SYT7: variants seen among roughly 807,000 people sequenced by gnomAD.
SYT7 encodes the protein synaptotagmin-7.
A neutral mutation model predicts 75.1 loss-of-function variants in SYT7; 29 were observed. That is an observed-to-expected ratio of 0.39 (90% CI 0.29 to 0.53). The LOEUF (loss-of-function observed/expected upper bound fraction) is 0.53. Ranked by LOEUF, SYT7 falls within the 20% of genes least tolerant of loss-of-function variation. The pLI, the probability that SYT7 is intolerant of heterozygous loss-of-function variation, is 0.77. For synonymous variants in SYT7, 376 were observed against 401.7 expected (o/e 0.94, Z 0.76); for missense variants, 693 against 953.2 (o/e 0.73, Z 3.59).
chr11:61,533,449 T>A (rs1462982579), intron 7 of SYT7: 2 of 985,306 alleles, frequency 2.0e-6, no homozygotes, highest in East Asian at 2.3e-4. Context: ...GTCTCTGAGG[T>A]GGCCACTGCC....
rs529750735 is a variant in SYT7 at position 61,520,839 on chromosome 11, C to T, written c.1957-2108G>A. On this transcript the variant is annotated intron_variant, in intron 12 of 12. Coordinates refer to ENST00000539008, the MANE Select transcript of SYT7 (RefSeq NM_001365809.2). ...CTCTATCTCAAAAAACAAAACAAAA[C>T]GAAACAAAACGAAAAGGATGGGGAG... Among the ~76,000 whole-genome samples the T allele has an allele frequency of 7.4e-4, 113 of 152,216 alleles. 1 individual carries two copies. The highest frequency in any genetic ancestry group is 1.2e-3 in the Non-Finnish European group (81 of 68,000).
intron 7 of SYT7, 91 bp from the exon 8 acceptor site, chr11:61,533,215 AC>A (rs2062764524): frequency 6.8e-6 from 10 of 1,481,290 alleles, no homozygotes; most frequent in Non-Finnish European, 8.9e-6. Flanking sequence ...TTCTCTGAAG[AC>A]CCCAGCAGCT....
rs2063067565 is a variant in SYT7 at position 61,542,345 on chromosome 11, C to G, written c.807G>C (p.Arg269=). The part of the protein sequence containing the change: ...APGPNPRAYG[R]GQARQGTSAG... ...CCGAGGTGCCCTGCCGAGCCTGGCC[C>G]CGGCCATAGGCCCGGGGGTTGGGGC... The change falls in exon 6 of 13, where the codon CGG becomes CGC. Residue 269 remains arginine (R), a synonymous_variant. Coordinates refer to ENST00000539008, the MANE Select transcript of SYT7 (RefSeq NM_001365809.2). This position sits in a 1 kb window ranked among gnomAD's most constrained non-coding sequence, Gnocchi z 7.8. The G allele has an allele frequency of 2.0e-6, 3 of 1,530,664 alleles. No homozygotes were observed. Among genetic ancestry groups the G allele is most frequent in the Non-Finnish European group, 2.6e-6 (3 of 1,144,376 alleles). The allele number at this position is 1,530,664 out of a possible 1,614,324, so 94.8% of individuals were successfully genotyped here.
Position 61,576,233 on chromosome 11 carries a change from G to T in SYT7, c.31+4557C>A, listed in dbSNP as rs1229814832. Reference sequence around the variant, plus strand: ...TAGTTGGACAGGGCCCAGCAGGGCTGCCCCTGCTGCCTGGAAGGTCAGGGA... The same window carrying T: ...TAGTTGGACAGGGCCCAGCAGGGCTTCCCCTGCTGCCTGGAAGGTCAGGGA... On this transcript the variant is annotated intron_variant, in intron 1 of 12. Transcript: ENST00000539008. This position sits in a 1 kb window ranked among gnomAD's most constrained non-coding sequence, Gnocchi z 4.1. Among the ~76,000 whole-genome samples the T allele has an allele frequency of 6.6e-6, 1 of 152,232 alleles. No homozygotes were observed. The highest frequency in any genetic ancestry group is 1.5e-5 in the Non-Finnish European group (1 of 68,030).
chr11:61,584,252 G>C (rs895724793), upstream of SYT7, among the ~76,000 whole-genome samples: 3 of 151,590 alleles, frequency 2.0e-5, no homozygotes. Flanking sequence ...AAAATTAGCC[G>C]GGCGTGGTGG....
Position 61,542,066 on chromosome 11 carries a change from G to C in SYT7, c.941+145C>G. 1 of 1,118,632 alleles carries C rather than the reference G, an allele frequency of 8.9e-7. No homozygotes were observed. Among genetic ancestry groups the C allele is most frequent in the Admixed American group, 3.0e-5 (1 of 33,166 alleles). The allele number at this position is 1,118,632 out of a possible 1,614,324, so 69.3% of individuals were successfully genotyped here. A position where few individuals can be genotyped will look rare whatever the true frequency, so the allele number is the denominator to read the frequency against. On this transcript the variant is annotated intron_variant, in intron 6 of 12. Coordinates refer to ENST00000539008, the MANE Select transcript of SYT7 (RefSeq NM_001365809.2). The surrounding 1 kb of genome is among the most constrained non-coding windows in gnomAD (Gnocchi z 7.8). ...CAGGCAGGAGCCACAAGAGGCTAAGGAGGGGGCTGCCAAGTCTGCTTGGCA... is the reference window on the plus strand; with the variant it reads ...CAGGCAGGAGCCACAAGAGGCTAAGCAGGGGGCTGCCAAGTCTGCTTGGCA...
intron 1 of SYT7, among the ~76,000 whole-genome samples, chr11:61,578,368 T>G (rs1017003797): frequency 3.4e-5 from 5 of 147,404 alleles, no homozygotes; most frequent in African/African-American, 7.4e-5. Context: ...GAGGACAGAT[T>G]TTTTTTTTTT....
rs565837004 is a variant in SYT7, at chr11:61,559,220, T to A, written c.32-3013A>T. Among the ~76,000 whole-genome samples, 4 of 152,282 alleles carry A rather than the reference T, an allele frequency of 2.6e-5. No homozygotes were observed. The East Asian group carries it at 7.7e-4, about 29-fold the overall frequency. ...GGAGCACAAATGAGGACTTTATCAA[T>A]CTTGTGGGACTAGGGAGCTATCTGG... On this transcript the variant is annotated intron_variant, in intron 1 of 12. Transcript: ENST00000539008.
At position 61,522,728 on chromosome 11, in the gene SYT7, A is replaced by G. The variant is rs557715347; in HGVS notation, c.1956+347T>C. 3.9e-5 allele frequency among the ~76,000 whole-genome samples: 6 copies of G among 152,282 alleles called. No individual in the cohort carries two copies. The South Asian group carries it at 1.2e-3, about 32-fold the overall frequency. ...CTGCCCCACGCAGCTCACCCTGTGC[A>G]GATGGGACCCCGGGCAATACTGCTC... On this transcript the variant is annotated intron_variant, in intron 12 of 12. Transcript: ENST00000539008.
chr11:61,582,420 G>A (rs574359203), upstream of SYT7, among the ~76,000 whole-genome samples: 1 of 151,780 alleles, frequency 6.6e-6, no homozygotes, highest in South Asian at 2.1e-4. Context: ...AAGGCAGCCA[G>A]GAACAACCCT....
upstream of SYT7, among the ~76,000 whole-genome samples, chr11:61,584,155 C>T (rs1039650424): frequency 5.9e-5 from 9 of 151,970 alleles, no homozygotes; most frequent in South Asian, 2.1e-4. Context: ...TTTGGGAGGC[C>T]GAGGCGGGCA....
rs962696389 is a variant in SYT7, at chr11:61,524,774, T to C, written c.1472-242A>G. ...AATGGCATCTCGTCCATCTTACAGA[T>C]GAGGCTCAGACGGCTTAAAGTACTT... On this transcript the variant is annotated intron_variant, in intron 9 of 12. Coordinates refer to ENST00000539008, the MANE Select transcript of SYT7 (RefSeq NM_001365809.2). This position sits in a 1 kb window ranked among gnomAD's most constrained non-coding sequence, Gnocchi z 4.1. 15 of 457,802 alleles carry C rather than the reference T, an allele frequency of 3.3e-5. No homozygotes were observed. Among genetic ancestry groups the C allele is most frequent in the Non-Finnish European group, 5.1e-5 (13 of 256,896 alleles). 28.4% of individuals were successfully genotyped at this position (457,802 alleles called of 1,614,324 possible). A position where few individuals can be genotyped will look rare whatever the true frequency, so the allele number is the denominator to read the frequency against.
At chr11:61,541,329 G>C (rs2063035962) in intron 6 of SYT7, 3 of 985,032 alleles carry the variant, frequency 3.0e-6, no homozygotes, top group South Asian at 9.4e-5. Flanking sequence ...GGCAAAGGAG[G>C]GGGGTGATGT....
intron 1 of SYT7, among the ~76,000 whole-genome samples, chr11:61,574,343 A>G (rs999188590): frequency 6.6e-6 from 1 of 152,198 alleles, no homozygotes; most frequent in Admixed American, 6.5e-5. Flanking sequence ...CAGAGCAGCA[A>G]GTGTCTCTGC....
At position 61,551,566 on chromosome 11, in the gene SYT7, C is replaced by T. The variant is rs1036625915; in HGVS notation, c.136-103G>A. ...GGGAAGGAGATAGACTGGAGTCGGG[C>T]CGTGGCAACAAGGCCAGGACCAGTG... is the stretch of plus-strand genomic sequence containing the variant. On this transcript the variant is annotated intron_variant, in intron 2 of 12. Transcript: ENST00000539008. The surrounding 1 kb of genome is among the most constrained non-coding windows in gnomAD (Gnocchi z 5.3). 2 of 1,213,828 alleles carry T rather than the reference C, an allele frequency of 1.6e-6. No individual in the cohort carries two copies. Among genetic ancestry groups the T allele is most frequent in the Admixed American group, 3.6e-5 (2 of 54,874 alleles). The allele number at this position is 1,213,828 out of a possible 1,614,324, so 75.2% of individuals were successfully genotyped here.
In SYT7 at chr11:61,537,051, C is replaced by T. The variant is rs141906480; in HGVS notation, c.1064+1093G>A. Among the ~76,000 whole-genome samples, 84 of 152,366 alleles carry T rather than the reference C, an allele frequency of 5.5e-4. No individual in the cohort carries two copies. In the East Asian group the frequency reaches 0.015, roughly 27 times the overall value. ...AGTGAGCAGAGAACCCAGAGAGGGG[C>T]TGTGACTTGCCCAAGGCTGCAGAAT... On this transcript the variant is annotated intron_variant, in intron 7 of 12. Transcript: ENST00000539008.
intron 8 of SYT7, among the ~76,000 whole-genome samples, chr11:61,529,814 T>G (rs527242509): frequency 2.0e-5 from 3 of 152,262 alleles, no homozygotes; most frequent in African/African-American, 7.2e-5. Context: ...TTTGTACTTT[T>G]AGTAGAGGCA....
chr11:61,581,527 T>A (rs1353469547), upstream of SYT7, among the ~76,000 whole-genome samples: 1 of 152,178 alleles, frequency 6.6e-6, no homozygotes, highest in African/African-American at 2.4e-5. Context: ...CTCGAGGGCG[T>A]CAGCTCCGGA....
rs930098761 is a variant in SYT7 at position 61,542,729 on chromosome 11, C to T, written c.573-150G>A. The T allele has an allele frequency of 3.6e-5, 48 of 1,321,782 alleles. No homozygotes were observed. Among genetic ancestry groups the T allele is most frequent in the South Asian group, 8.9e-5 (5 of 55,938 alleles). The allele number at this position is 1,321,782 out of a possible 1,614,324, so 81.9% of individuals were successfully genotyped here. The stretch of plus-strand genomic sequence containing the variant: ...AGGCCTCCATCGGAGCTGTCGCCAC[C>T]GCCGTCGCCGCCACTGCCTCGCCCA... On this transcript the variant is annotated intron_variant, in intron 5 of 12. Coordinates refer to ENST00000539008, the MANE Select transcript of SYT7 (RefSeq NM_001365809.2). The surrounding 1 kb of genome is among the most constrained non-coding windows in gnomAD (Gnocchi z 7.8).
Sources: allele counts gnomAD v4.1 joint callset (sites outside exome capture counted in the v4.1 genomes callset), GRCh38; gene constraint gnomAD v4.1.1; non-coding constraint Gnocchi (gnomAD v3.1); transcripts MANE v1.5; gene names NCBI Gene and HGNC (gene_info 2026-07-23, HGNC 2026-07-21).